The following DMD variants were observed in gnomAD, a reference collection of about 807,000 sequenced individuals.
The protein encoded by DMD is dystrophin.
In DMD, 63 loss-of-function variants were observed where a neutral mutation model predicts 330.1. The observed-to-expected ratio is 0.19, with a 90% CI of 0.16 to 0.24. DMD has a LOEUF of 0.24. DMD is among the 10% of genes least tolerant of loss of function. DMD has a pLI of 1.00. For synonymous variants in DMD, 1,223 were observed against 959.8 expected, an observed-to-expected ratio of 1.27 and a Z score of -5.07; for missense variants, 3,344 against 2,684.1, an observed-to-expected ratio of 1.25 and a Z score of -5.43.
At chrX:31,768,137 G>A (rs1569374882) in intron 51 of DMD, among the ~76,000 whole-genome samples, 1 of 111,007 alleles carries the variant, frequency 9.0e-6, no homozygotes, top group Non-Finnish European at 1.9e-5. Context: ...ATTTTGTGGT[G>A]AATTATCCTG....
chrX:32,420,384 C>G (rs917207886), intron 29 of DMD, among the ~76,000 whole-genome samples: 2 of 111,614 alleles, frequency 1.8e-5, no homozygotes, highest in Non-Finnish European at 3.8e-5. Context: ...GGGATAAAAT[C>G]AAGTTGGAAA....
chrX:32,335,991 CGTGTATATATAACGT>C (rs2097711145), intron 41 of DMD, among the ~76,000 whole-genome samples: 2 of 31,435 alleles, frequency 6.4e-5, no homozygotes, highest in African/African-American at 1.2e-4. Context: ...TTATATATAA[CGTGTATATATAACGT>C]TATATATAAC....
intron 1 of DMD, among the ~76,000 whole-genome samples, chrX:33,140,948 A>G (rs1341391318): frequency 2.7e-5 from 3 of 112,401 alleles, no homozygotes; most frequent in African/African-American, 9.7e-5. Flanking sequence ...ACGTGTGTGT[A>G]TATATATACA....
intron 2 of DMD, among the ~76,000 whole-genome samples, chrX:32,955,710 T>A (rs2091537787): frequency 8.9e-6 from 1 of 111,987 alleles, no homozygotes; most frequent in Non-Finnish European, 1.9e-5. Context: ...GAGTTAATCT[T>A]TGTACATGGT....
chrX:32,793,543 G>GAA (rs539553963), intron 7 of DMD, among the ~76,000 whole-genome samples: 4,260 of 101,285 alleles, frequency 0.042, 202 homozygotes, highest in African/African-American at 0.14. Context: ...GACTAACCAA[G>GAA]AAAAAAAAAA....
At chrX:33,176,583 T>C (rs112997297) in intron 1 of DMD, among the ~76,000 whole-genome samples, 87 of 109,720 alleles carry the variant, frequency 7.9e-4, no homozygotes, top group African/African-American at 2.4e-3. Flanking sequence ...TGTGTGTGTG[T>C]GCGCTCATGT....
At chrX:31,485,185 AT>A (rs1331045772) in intron 57 of DMD, among the ~76,000 whole-genome samples, 2 of 111,883 alleles carry the variant, frequency 1.8e-5, no homozygotes, top group Non-Finnish European at 3.8e-5. Flanking sequence ...GATTATTATT[AT>A]TTTTATTTAT....
chrX:31,952,376 T>A (rs1321433037), intron 45 of DMD, among the ~76,000 whole-genome samples: 1 of 111,320 alleles, frequency 9.0e-6, no homozygotes, highest in Admixed American at 9.6e-5. Flanking sequence ...ATGACTCATG[T>A]TCGTTTTTTA....
intron 32 of DMD, among the ~76,000 whole-genome samples, chrX:32,389,006 GAAAGTTATT>G (rs2097981284): frequency 9.0e-6 from 1 of 111,427 alleles, no homozygotes; most frequent in Non-Finnish European, 1.9e-5. Context: ...GTGTTTAAAG[GAAAGTTATT>G]AAAGTTTGGA....
chrX:31,363,667 C>T (rs1479414959), intron 60 of DMD, among the ~76,000 whole-genome samples: 2 of 111,959 alleles, frequency 1.8e-5, no homozygotes, highest in South Asian at 3.8e-4. Context: ...CGTGAGCCAC[C>T]GTGCCCGGCC....
At chrX:31,517,093 C>T (rs1479541214) in intron 55 of DMD, among the ~76,000 whole-genome samples, 3 of 111,500 alleles carry the variant, frequency 2.7e-5, no homozygotes, top group Non-Finnish European at 5.7e-5. Context: ...TTCCTAGTTT[C>T]TTCTCATCCA....
At chrX:33,204,219 T>C (rs779209392) in intron 1 of DMD, among the ~76,000 whole-genome samples, 51 of 111,971 alleles carry the variant, frequency 4.6e-4, no homozygotes, top group Admixed American at 3.6e-3. Context: ...TTGATCTTAG[T>C]ATAAAGAGAA....
Position 31,121,772 on chromosome X carries a change from TA to T in DMD, c.*146del. On this transcript the variant is annotated 3_prime_UTR_variant, in exon 79 of 79. Coordinates refer to ENST00000357033, the MANE Select transcript of DMD (RefSeq NM_004006.3). ...TTATTTCTTGTAAACTCTTACTGTCTAATCCTCTTTGTTGTATGAATATTAT... is the reference window on the plus strand; with the variant it reads ...TTATTTCTTGTAAACTCTTACTGTCTATCCTCTTTGTTGTATGAATATTAT... 1.2e-6 allele frequency: 1 copy of T among 844,324 alleles called. No individual in the cohort carries two copies. Among genetic ancestry groups the T allele is most frequent in the Non-Finnish European group, 1.8e-6 (1 of 562,105 alleles). 69.6% of individuals were successfully genotyped at this position (844,324 alleles called of 1,213,427 possible).
chrX:32,243,158 T>C (rs749153232), intron 43 of DMD, among the ~76,000 whole-genome samples: 1 of 110,054 alleles, frequency 9.1e-6, no homozygotes, highest in Admixed American at 9.8e-5. Context: ...AATTATATGA[T>C]CCTAGGGCTA....
At chrX:32,083,399 C>G (rs1009321483) in intron 44 of DMD, among the ~76,000 whole-genome samples, 2 of 110,158 alleles carry the variant, frequency 1.8e-5, no homozygotes, top group South Asian at 7.7e-4. Flanking sequence ...CTGGGACTAC[C>G]GGCACATGCC....
At chrX:32,616,572 C>A (rs766262990) in intron 11 of DMD, among the ~76,000 whole-genome samples, 148 of 109,589 alleles carry the variant, frequency 1.4e-3, no homozygotes, top group African/African-American at 4.7e-3. Context: ...TTGTTTAGAG[C>A]GAGACCGTGG....
chrX:31,137,146 G>A (rs888412827), intron 76 of DMD, among the ~76,000 whole-genome samples: 22 of 111,227 alleles, frequency 2.0e-4, no homozygotes, highest in African/African-American at 4.6e-4. Flanking sequence ...AGCCTCCTGA[G>A]TAGCTGGGAC....
chrX:32,089,714 T>C (rs1244153979), intron 44 of DMD, among the ~76,000 whole-genome samples: 1 of 112,128 alleles, frequency 8.9e-6, no homozygotes, highest in Admixed American at 9.5e-5. Flanking sequence ...GTTGAATCCA[T>C]GTCTTTGCTA....
At chrX:31,848,155 T>A (rs559405450) in intron 48 of DMD, among the ~76,000 whole-genome samples, 3 of 111,873 alleles carry the variant, frequency 2.7e-5, no homozygotes, top group African/African-American at 6.5e-5. Flanking sequence ...TCAAATACAT[T>A]CTACAATATT....
Sources: gnomAD v4.1 joint callset for allele counts (sites outside exome capture counted in the v4.1 genomes callset) on GRCh38, gnomAD v4.1.1 for gene constraint, MANE v1.5 for transcripts, NCBI Gene and HGNC (gene_info 2026-07-23, HGNC 2026-07-21) for gene names.